The following SPAG16 variants were observed in gnomAD, a reference collection of about 807,000 sequenced individuals.
SPAG16 encodes the protein sperm associated antigen 16.
Under a neutral mutation model 80.4 loss-of-function variants are expected in SPAG16, and 86 were observed. That is an observed-to-expected ratio of 1.07 (90% CI 0.90 to 1.28). The LOEUF (loss-of-function observed/expected upper bound fraction) is 1.28, where lower values mean the gene tolerates loss of function less well. SPAG16 is among the 50% of genes most tolerant of loss of function. SPAG16 has a pLI of 0.00. For synonymous variants in SPAG16, 294 were observed against 265.9 expected, an observed-to-expected ratio of 1.11 and a Z score of -1.03; for missense variants, 870 against 765.3, an observed-to-expected ratio of 1.14 and a Z score of -1.61.
At position 213,604,609 on chromosome 2, in the gene SPAG16, T is replaced by C. The variant is rs556199656; in HGVS notation, c.1070+114519T>C. 1.4e-4 allele frequency among the ~76,000 whole-genome samples: 22 copies of C among 152,284 alleles called. 1 individual carries two copies. The highest frequency in any genetic ancestry group is 4.6e-4 in the African/African-American group (19 of 41,566). On this transcript the variant is annotated intron_variant, in intron 10 of 15. Coordinates refer to ENST00000331683, the MANE Select transcript of SPAG16 (RefSeq NM_024532.5). ...AACTTATGGGCACTGTCTTATTATA[T>C]AAATCTATGCTATTTCTTATTGCTA...
intron 10 of SPAG16, among the ~76,000 whole-genome samples, chr2:213,811,180 C>T (rs962661682): frequency 3.3e-5 from 5 of 152,108 alleles, no homozygotes. Flanking sequence ...AGATTTCTCT[C>T]TTTGTTTAAC....
intron 4 of SPAG16, among the ~76,000 whole-genome samples, chr2:213,311,132 T>G (rs532178025): frequency 6.6e-6 from 1 of 151,894 alleles, no homozygotes; most frequent in African/African-American, 2.4e-5. Flanking sequence ...AGAATTATTT[T>G]TCATTAATAC....
At chr2:213,563,632 C>T (rs897937975) in intron 10 of SPAG16, among the ~76,000 whole-genome samples, 14 of 152,272 alleles carry the variant, frequency 9.2e-5, no homozygotes, top group African/African-American at 3.1e-4. Flanking sequence ...CTCATTTAAC[C>T]TTAATTACCT....
At chr2:214,196,020 A>G (rs1010518259) in intron 15 of SPAG16, among the ~76,000 whole-genome samples, 1 of 151,998 alleles carries the variant, frequency 6.6e-6, no homozygotes, top group Non-Finnish European at 1.5e-5. Flanking sequence ...AATGTTCAAA[A>G]TAAGTGTAAA....
chr2:213,306,656 T>C (rs1355292834), intron 3 of SPAG16, among the ~76,000 whole-genome samples: 3 of 152,024 alleles, frequency 2.0e-5, no homozygotes, highest in Non-Finnish European at 4.4e-5. Flanking sequence ...CCCCTCTTGC[T>C]AGGGCTGGTT....
chr2:214,070,661 T>C lies in SPAG16; in HGVS notation c.1528-37535T>C, dbSNP rs1188252348. 2.6e-5 allele frequency among the ~76,000 whole-genome samples: 4 copies of C among 152,220 alleles called. No individual in the cohort carries two copies. In the East Asian group the frequency reaches 7.7e-4, roughly 29 times the overall value. Reference sequence around the variant, plus strand: ...GCATCAAATGAGCTGATCATATAGATTCCCTCTTTTGATATATCAATATAC... The same window carrying C: ...GCATCAAATGAGCTGATCATATAGACTCCCTCTTTTGATATATCAATATAC... On this transcript the variant is annotated intron_variant, in intron 13 of 15. Transcript: ENST00000331683.
At chr2:214,322,646 G>A (rs1034461473) in intron 15 of SPAG16, among the ~76,000 whole-genome samples, 3 of 152,096 alleles carry the variant, frequency 2.0e-5, no homozygotes, top group Non-Finnish European at 2.9e-5. Flanking sequence ...TAAATTATAA[G>A]TTTTGAATAT....
intron 10 of SPAG16, among the ~76,000 whole-genome samples, chr2:213,678,328 G>C (rs918330873): frequency 1.4e-5 from 2 of 138,362 alleles, no homozygotes; most frequent in Non-Finnish European, 2.9e-5. Context: ...ACGAATCCAG[G>C]AGCTGGTTTT....
In SPAG16 at chr2:213,308,150, A is replaced by C. The variant is rs142762077; in HGVS notation, c.280-1909A>C. On this transcript the variant is annotated intron_variant, in intron 3 of 15. Transcript: ENST00000331683. ...AGACGATGATTGTTTTATTTTTTTA[A>C]TTTTATTTTTATTGAGCAACACTTC... Among the ~76,000 whole-genome samples, 3 of 152,110 alleles carry C rather than the reference A, an allele frequency of 2.0e-5. No homozygotes were observed. In the South Asian group the frequency reaches 6.2e-4, roughly 31 times the overall value.
intron 11 of SPAG16, among the ~76,000 whole-genome samples, chr2:213,881,257 C>T (rs1346822731): frequency 2.0e-5 from 3 of 152,102 alleles, no homozygotes; most frequent in African/African-American, 7.2e-5. Flanking sequence ...TGATTTGACT[C>T]TCAGCTTGCA....
chr2:213,819,219 C>T (rs1248026220), intron 10 of SPAG16, among the ~76,000 whole-genome samples: 1 of 152,162 alleles, frequency 6.6e-6, no homozygotes, highest in African/African-American at 2.4e-5. Context: ...TATCTGAACG[C>T]CCAATTCCAA....
At chr2:213,940,860 C>G (rs377031097) in intron 12 of SPAG16, among the ~76,000 whole-genome samples, 1 of 152,104 alleles carries the variant, frequency 6.6e-6, no homozygotes, top group African/African-American at 2.4e-5. Context: ...TTCCTCCTAA[C>G]TTATTTATAA....
intron 15 of SPAG16, among the ~76,000 whole-genome samples, chr2:214,371,607 C>T (rs1371640965): frequency 6.7e-6 from 1 of 150,226 alleles, no homozygotes; most frequent in East Asian, 1.9e-4. Flanking sequence ...TTCATATAAG[C>T]CAACAATATA....
At chr2:213,793,810 T>C (rs1030721550) in intron 10 of SPAG16, among the ~76,000 whole-genome samples, 1 of 152,194 alleles carries the variant, frequency 6.6e-6, no homozygotes, top group African/African-American at 2.4e-5. Flanking sequence ...CCAGAAGTCA[T>C]AAAGTATAAC....
intron 15 of SPAG16, among the ~76,000 whole-genome samples, chr2:214,296,084 T>A (rs565744725): frequency 4.6e-5 from 7 of 152,322 alleles, no homozygotes; most frequent in African/African-American, 1.7e-4. Flanking sequence ...TCAGTTTCTA[T>A]CATTTACATC....
At chr2:213,645,465 T>A (rs964531126) in intron 10 of SPAG16, among the ~76,000 whole-genome samples, 3 of 151,952 alleles carry the variant, frequency 2.0e-5, no homozygotes, top group Admixed American at 1.3e-4. Flanking sequence ...AGTTAGCAGG[T>A]GATGAATGCT....
chr2:213,934,257 G>A (rs973182374), intron 12 of SPAG16, among the ~76,000 whole-genome samples: 1 of 152,304 alleles, frequency 6.6e-6, no homozygotes, highest in Non-Finnish European at 1.5e-5. Context: ...TCCGTTTTCT[G>A]TATTACAGTT....
intron 15 of SPAG16, among the ~76,000 whole-genome samples, chr2:214,190,969 C>T (rs760760891): frequency 2.0e-5 from 3 of 152,058 alleles, no homozygotes; most frequent in Admixed American, 6.6e-5. Flanking sequence ...AAGCTTGTAG[C>T]GACAGGTTTA....
At chr2:214,138,941 C>G (rs1410549306) in intron 14 of SPAG16, among the ~76,000 whole-genome samples, 1 of 152,108 alleles carries the variant, frequency 6.6e-6, no homozygotes, top group Non-Finnish European at 1.5e-5. Context: ...AGTGAGATAG[C>G]AAACCTATGA....
Sources: gnomAD v4.1 joint callset for allele counts (sites outside exome capture counted in the v4.1 genomes callset) on GRCh38, gnomAD v4.1.1 for gene constraint, MANE v1.5 for transcripts, NCBI Gene and HGNC (gene_info 2026-07-23, HGNC 2026-07-21) for gene names.